MLLT10: variants seen among roughly 807,000 people sequenced by gnomAD.
MLLT10 encodes the protein MLLT10 histone lysine methyltransferase DOT1L cofactor.
A neutral mutation model predicts 129.1 loss-of-function variants in MLLT10; 30 were observed. The observed-to-expected ratio is 0.23, with a 90% CI of 0.17 to 0.32. The LOEUF (loss-of-function observed/expected upper bound fraction) is 0.32. Among genes scored for constraint, MLLT10 ranks in the 10% least tolerant of loss-of-function variants. The pLI is 1.00. For synonymous variants in MLLT10, 490 were observed against 446.4 expected (o/e 1.10, Z -1.23); for missense variants, 1,119 against 1,268.3 (o/e 0.88, Z 1.79).
At chr10:21,740,840 G>A (rs1032071412) in intron 22 of MLLT10, among the ~76,000 whole-genome samples, 3 of 152,178 alleles carry the variant, frequency 2.0e-5, no homozygotes, top group Admixed American at 6.5e-5. Context: ...AGGCCGTTTC[G>A]ATTAATTCTC....
At chr10:21,738,399 T>G (rs986041878) in intron 21 of MLLT10, 14 of 1,288,364 alleles carry the variant, frequency 1.1e-5, no homozygotes, top group Non-Finnish European at 1.2e-5. Context: ...TTTACTCTAA[T>G]AATAGCATGT....
intron 14 of MLLT10, among the ~76,000 whole-genome samples, chr10:21,717,664 C>CTTCCTCCTCCTT (rs2056759762): frequency 8.0e-6 from 1 of 125,468 alleles, no homozygotes; most frequent in African/African-American, 3.1e-5. Context: ...TCCTCCTCCT[C>CTTCCTCCTCCTT]TTCCTCCTCC....
At chr10:21,535,183 G>A (rs2033703830) in intron 2 of MLLT10, among the ~76,000 whole-genome samples, 1 of 151,718 alleles carries the variant, frequency 6.6e-6, no homozygotes, top group Admixed American at 6.6e-5. Flanking sequence ...GGCCACGGGG[G>A]TGGGTTTGGG....
chr10:21,579,523 T>G (rs2131066238), intron 3 of MLLT10, among the ~76,000 whole-genome samples: 1 of 151,648 alleles, frequency 6.6e-6, no homozygotes, highest in South Asian at 2.1e-4. Context: ...TTTTTTTTTT[T>G]GTTTGTTTGT....
At chr10:21,592,068 C>G (rs1267148256) in intron 4 of MLLT10, among the ~76,000 whole-genome samples, 1 of 152,072 alleles carries the variant, frequency 6.6e-6, no homozygotes, top group Non-Finnish European at 1.5e-5. Flanking sequence ...ATATAGACTT[C>G]TTTTACCTGT....
At position 21,624,745 on chromosome 10, in the gene MLLT10, A is replaced by G. The variant is rs116351992; in HGVS notation, c.699+7538A>G. ...GTTTGTTGGTCTGACGATGCTTGGAATCAGGTTGGTTGTAAGCATCTGCCT... is the reference window on the plus strand; with the variant it reads ...GTTTGTTGGTCTGACGATGCTTGGAGTCAGGTTGGTTGTAAGCATCTGCCT... On this transcript the variant is annotated intron_variant, in intron 8 of 22. Coordinates refer to ENST00000307729, the MANE Select transcript of MLLT10 (RefSeq NM_001195626.3). 1.3e-3 allele frequency: 1,597 copies of G among 1,248,988 alleles called. 10 individuals are homozygous for G. The African/African-American group carries it at 0.02, about 16-fold the overall frequency. 77.4% of individuals were successfully genotyped at this position (1,248,988 alleles called of 1,614,324 possible).
At chr10:21,713,157 C>T (rs1466550034) in intron 13 of MLLT10, among the ~76,000 whole-genome samples, 1 of 152,188 alleles carries the variant, frequency 6.6e-6, no homozygotes, top group East Asian at 1.9e-4. Flanking sequence ...TCTCCTACCC[C>T]TGCAGCTGCC....
intron 8 of MLLT10, among the ~76,000 whole-genome samples, chr10:21,646,975 C>T (rs1390552682): frequency 6.6e-6 from 1 of 152,022 alleles, no homozygotes; most frequent in African/African-American, 2.4e-5. Flanking sequence ...TTTGCCTCAG[C>T]CTCCTGAGTA....
chr10:21,607,989 G>C (rs1395532418), intron 5 of MLLT10, among the ~76,000 whole-genome samples: 1 of 150,578 alleles, frequency 6.6e-6, no homozygotes, highest in Non-Finnish European at 1.5e-5. Flanking sequence ...CTAGTTATAG[G>C]ATTCTTGATT....
chr10:21,558,191 TC>T (rs1433733341), intron 3 of MLLT10, among the ~76,000 whole-genome samples: 1 of 152,048 alleles, frequency 6.6e-6, no homozygotes, highest in Admixed American at 6.6e-5. Context: ...CCTCCGGTGA[TC>T]CACCCACCTC....
intron 3 of MLLT10, chr10:21,556,898 T>C: frequency 6.4e-7 from 1 of 1,550,874 alleles, no homozygotes; most frequent in South Asian, 1.2e-5. Context: ...CTTTATGCCA[T>C]TTATCTCAGT....
At chr10:21,592,740 AG>A (rs1423884160) in intron 4 of MLLT10, among the ~76,000 whole-genome samples, 1 of 152,034 alleles carries the variant, frequency 6.6e-6, no homozygotes, top group East Asian at 1.9e-4. Context: ...CTGGGATTAC[AG>A]GCGTGAGCCA....
intron 14 of MLLT10, among the ~76,000 whole-genome samples, chr10:21,717,639 TTTTCCTCCTCCTC>T (rs2056750796): frequency 1.9e-5 from 2 of 102,916 alleles, no homozygotes; most frequent in Non-Finnish European, 4.2e-5. Context: ...CTCCTCCTCC[TTTTCCTCCTCCTC>T]TTCCTCCTCC....
In MLLT10 at chr10:21,741,220, G is replaced by A. The variant is rs548570241; in HGVS notation, c.3163-719G>A. 4.6e-5 allele frequency among the ~76,000 whole-genome samples: 7 copies of A among 152,232 alleles called. No individual in the cohort carries two copies. The South Asian group carries it at 1.2e-3, about 27-fold the overall frequency. On this transcript the variant is annotated intron_variant, in intron 22 of 22. Transcript: ENST00000307729. ...CACCGCATTACCTCTCCAGTGTTCT[G>A]CTGACATGGACAGTTTTCAGTGATT...
rs376511660 is a variant in MLLT10, at chr10:21,713,743, A to G, written c.1700-29A>G. 1.3e-5 allele frequency: 21 copies of G among 1,590,814 alleles called. 2 individuals are homozygous for G. The African/African-American group carries it at 2.0e-4, about 15-fold the overall frequency. On this transcript the variant is annotated intron_variant, in intron 13 of 22. Coordinates refer to ENST00000307729, the MANE Select transcript of MLLT10 (RefSeq NM_001195626.3). ...CTGTGACAAATTTGACTGCTAAGTT[A>G]TATTTAAATAACATTTGTTTTTTTG...
In MLLT10 at chr10:21,630,186, G is replaced by A. The variant is rs146915369; in HGVS notation, c.699+12979G>A. On this transcript the variant is annotated intron_variant, in intron 8 of 22. Coordinates refer to ENST00000307729, the MANE Select transcript of MLLT10 (RefSeq NM_001195626.3). ...GTATACAAATAAGGAGGCCAAGTGC[G>A]TTATTTTCAAAAGTGTTTAAAATAA... 6.2e-4 allele frequency among the ~76,000 whole-genome samples: 94 copies of A among 152,282 alleles called. 2 individuals are homozygous for A. Among genetic ancestry groups the A allele is most frequent in the Admixed American group, 5.8e-3 (88 of 15,292 alleles).
chr10:21,573,631 A>G (rs916089485), intron 3 of MLLT10, among the ~76,000 whole-genome samples: 10 of 151,082 alleles, frequency 6.6e-5, no homozygotes, highest in Non-Finnish European at 1.3e-4. Context: ...CAGTGGCACA[A>G]TCTCTGCTCA....
chr10:21,555,761 G>A (rs1446708030), intron 3 of MLLT10, among the ~76,000 whole-genome samples: 3 of 149,008 alleles, frequency 2.0e-5, no homozygotes, highest in Admixed American at 6.8e-5. Context: ...TCTGCCTCCC[G>A]GGTTCAAGTG....
chr10:21,563,601 G>C (rs1252297847), intron 3 of MLLT10, among the ~76,000 whole-genome samples: 2 of 151,994 alleles, frequency 1.3e-5, no homozygotes, highest in Non-Finnish European at 2.9e-5. Context: ...ATTCCTCCAG[G>C]TTGTTGCTTA....
Sources: gnomAD v4.1 joint callset for allele counts (sites outside exome capture counted in the v4.1 genomes callset) on GRCh38, gnomAD v4.1.1 for gene constraint, MANE v1.5 for transcripts, NCBI Gene and HGNC (gene_info 2026-07-23, HGNC 2026-07-21) for gene names.